The following ATP2A2 variants were observed in gnomAD, a reference collection of about 807,000 sequenced individuals.
ATP2A2 encodes the protein sarcoplasmic/endoplasmic reticulum calcium ATPase 2.
In ATP2A2, 14 loss-of-function variants were observed where a neutral mutation model predicts 109.3. The ratio of observed to expected loss-of-function variants is 0.13; its 90% confidence interval spans 0.08 to 0.20. ATP2A2 has a LOEUF of 0.20. ATP2A2 is among the 10% of genes least tolerant of loss of function. The probability of loss-of-function intolerance (pLI) is 1.00; values close to 1 mark genes in which losing one functional copy is unlikely to be tolerated. For missense variants in ATP2A2, 657 were observed against 1,321.6 expected (o/e 0.50, Z 7.80); for synonymous variants, 506 against 490.9 (o/e 1.03, Z -0.41).
chr12:110,305,398 T>A (rs1875175370), intron 5 of ATP2A2, among the ~76,000 whole-genome samples: 1 of 152,110 alleles, frequency 6.6e-6, no homozygotes, highest in Admixed American at 6.6e-5. Flanking sequence ...AAGCAAGACC[T>A]TGCCTCTTTA....
chr12:110,340,600 A>G lies in ATP2A2; in HGVS notation c.1762-59A>G. The G allele has an allele frequency of 6.3e-7, 1 of 1,579,264 alleles. No homozygotes were observed. Among genetic ancestry groups the G allele is most frequent in the South Asian group, 1.1e-5 (1 of 89,246 alleles). ...TCAATGTTTAACTGGGCATTTTTCA[A>G]ACTAGGGGACAAAAACTAGAACTTG... On this transcript the variant is annotated intron_variant, in intron 13 of 19. Transcript: ENST00000539276. The surrounding 1 kb of genome is among the most constrained non-coding windows in gnomAD (Gnocchi z 6.0).
At position 110,340,866 on chromosome 12, in the gene ATP2A2, T is replaced by C; in HGVS notation, c.1969T>C (p.Phe657Leu). 1 of 1,614,018 alleles carries C rather than the reference T, an allele frequency of 6.2e-7. No individual in the cohort carries two copies. Among genetic ancestry groups the C allele is most frequent in the Non-Finnish European group, 8.5e-7 (1 of 1,180,004 alleles). The change falls in exon 14 of 20, where the codon TTT (phenylalanine) becomes CTT (leucine). Residue 657 changes from phenylalanine (F) to leucine (L), a missense_variant. By Grantham distance (22) the Phe-to-Leu change is conservative (BLOSUM62 0). This residue lies in a region of ATP2A2 where 180 missense variants were observed against 329.1 expected (regional missense o/e 0.55). Transcript: ENST00000539276. This position sits in a 1 kb window ranked among gnomAD's most constrained non-coding sequence, Gnocchi z 6.0. ...GTCAAAAGCTTTCACAGGCCGGGAG[T>C]TTGATGAACTCAACCCCTCCGCCCA... ...VTSKAFTGREFDELNPSAQRD... is the reference protein window; with the variant it reads ...VTSKAFTGRELDELNPSAQRD...
chr12:110,348,436 T>C lies in ATP2A2; in HGVS notation c.*1966T>C. 1.0e-6 allele frequency: 1 copy of C among 985,584 alleles called. No individual in the cohort carries two copies. Among genetic ancestry groups the C allele is most frequent in the Non-Finnish European group, 1.2e-6 (1 of 830,068 alleles). 61.1% of individuals were successfully genotyped at this position (985,584 alleles called of 1,614,324 possible). A position where few individuals can be genotyped will look rare whatever the true frequency, so the allele number is the denominator to read the frequency against. On this transcript the variant is annotated 3_prime_UTR_variant, in exon 20 of 20. Transcript: ENST00000539276. ...CAAAATGTACTTAGGCTCTGGTTAC[T>C]GGGATGGCCAGTAGATGTAATGCAG...
chr12:110,337,388 G>A (rs1173953686), intron 11 of ATP2A2, among the ~76,000 whole-genome samples: 2 of 152,200 alleles, frequency 1.3e-5, no homozygotes, highest in Non-Finnish European at 2.9e-5. Flanking sequence ...ACCTGGGTAG[G>A]TCCACGCCTT....
chr12:110,342,226 A>C lies in ATP2A2; in HGVS notation c.2098-2A>C, dbSNP rs762043667. The C allele has an allele frequency of 6.2e-7, 1 of 1,614,150 alleles. No individual in the cohort carries two copies. Among genetic ancestry groups the C allele is most frequent in the Non-Finnish European group, 8.5e-7 (1 of 1,180,030 alleles). On this transcript the variant is annotated splice_acceptor_variant, in intron 14 of 19. Transcript: ENST00000539276. LOFTEE classifies it high-confidence loss of function. This position sits in a 1 kb window ranked among gnomAD's most constrained non-coding sequence, Gnocchi z 4.6. ...TGACCCAACCATTGCTTTCCCTTTC[A>C]GACTGGCGATGGCGTGAACGATGCT...
upstream of ATP2A2, chr12:110,281,045 G>A (rs1241466619): frequency 2.0e-5 from 3 of 151,494 alleles, no homozygotes; most frequent in Non-Finnish European, 4.4e-5. Context: ...GGCGCGCGCG[G>A]CCTCGATCCG....
intron 9 of ATP2A2, 58 bp downstream of exon 9, chr12:110,332,743 G>A: frequency 3.6e-6 from 5 of 1,401,800 alleles, no homozygotes; most frequent in Non-Finnish European, 5.1e-6. Context: ...TATTTGTATT[G>A]ATTTGCAGCA....
chr12:110,319,061 T>A (rs1876963654), intron 5 of ATP2A2, among the ~76,000 whole-genome samples: 1 of 151,998 alleles, frequency 6.6e-6, no homozygotes, highest in Admixed American at 6.6e-5. Flanking sequence ...ATTTTAAAAT[T>A]AACCTGGTGC....
chr12:110,288,734 G>A (rs1872942003), intron 3 of ATP2A2, among the ~76,000 whole-genome samples: 2 of 152,116 alleles, frequency 1.3e-5, no homozygotes, highest in Non-Finnish European at 1.5e-5. Context: ...TATTCAACCT[G>A]TTGTCAAAAT....
In ATP2A2 at chr12:110,345,315, T is replaced by TC; in HGVS notation, c.2678dup (p.Tyr894IlefsTer17). On this transcript the variant is annotated frameshift_variant, in exon 18 of 20. Coordinates refer to ENST00000539276, the MANE Select transcript of ATP2A2 (RefSeq NM_170665.4). LOFTEE classifies it high-confidence loss of function. ...AGGCGTGGATTGTGCAATCTTTGAA[T>TC]CCCCATACCCGATGACAATGGCGCT... 6.2e-7 allele frequency: 1 copy of TC among 1,614,134 alleles called. No homozygotes were observed. The highest frequency in any genetic ancestry group is 8.5e-7 in the Non-Finnish European group (1 of 1,180,012).
In ATP2A2 at chr12:110,327,628, C is replaced by T. The variant is rs1877940208; in HGVS notation, c.706C>T (p.Arg236Trp). The part of the protein sequence containing the change: ...TGVNTEIGKI[R>W]DEMVATEQER... ...AGTTAACACCGAAATTGGCAAGATC[C>T]GGGATGAAATGGTGGCAACAGAACA... The change falls in exon 8 of 20, where the codon CGG (arginine) becomes TGG (tryptophan). Residue 236 changes from arginine to tryptophan, a missense_variant. Arg to Trp is a moderately radical substitution (Grantham distance 101, BLOSUM62 -3). Around this residue, in one of 9 missense-constraint regions of ATP2A2, gnomAD observed 136 missense variants for 343.9 expected, o/e 0.40. Coordinates refer to ENST00000539276, the MANE Select transcript of ATP2A2 (RefSeq NM_170665.4). The surrounding 1 kb of genome is among the most constrained non-coding windows in gnomAD (Gnocchi z 4.4). The T allele has an allele frequency of 6.2e-7, 1 of 1,614,010 alleles. No individual in the cohort carries two copies. Among genetic ancestry groups the T allele is most frequent in the Non-Finnish European group, 8.5e-7 (1 of 1,179,992 alleles).
chr12:110,319,898 A>G (rs1006943809), intron 5 of ATP2A2, among the ~76,000 whole-genome samples: 2 of 152,250 alleles, frequency 1.3e-5, no homozygotes, highest in Middle Eastern at 3.4e-3. Flanking sequence ...GAGCACCAAC[A>G]TGATGCTCAA....
Position 110,339,496 on chromosome 12 carries a change from T to C in ATP2A2, c.1543-7T>C. On this transcript the variant is annotated splice_region_variant and splice_polypyrimidine_tract_variant and intron_variant, in intron 12 of 19. Coordinates refer to ENST00000539276, the MANE Select transcript of ATP2A2 (RefSeq NM_170665.4). This position sits in a 1 kb window ranked among gnomAD's most constrained non-coding sequence, Gnocchi z 4.4. ...AAATTGTTTATCTAAATCTGTAACATTTCCAGGGTGCTCCTGAAGGTGTCA... is the reference window on the plus strand; with the variant it reads ...AAATTGTTTATCTAAATCTGTAACACTTCCAGGGTGCTCCTGAAGGTGTCA... 1 of 1,614,062 alleles carries C rather than the reference T, an allele frequency of 6.2e-7. No individual in the cohort carries two copies.
intron 3 of ATP2A2, among the ~76,000 whole-genome samples, chr12:110,287,280 A>G (rs1301829362): frequency 6.6e-6 from 1 of 152,098 alleles, no homozygotes; most frequent in African/African-American, 2.4e-5. Flanking sequence ...TTGCTTTAGT[A>G]TACTTATCAG....
At chr12:110,329,074 T>G (rs75665188) in intron 8 of ATP2A2, among the ~76,000 whole-genome samples, 2 of 152,364 alleles carry the variant, frequency 1.3e-5, no homozygotes, top group Non-Finnish European at 2.9e-5. Flanking sequence ...GATACCAAAC[T>G]CTGCAGATGC....
chr12:110,295,077 C>T (rs1873821262), intron 4 of ATP2A2, among the ~76,000 whole-genome samples: 1 of 152,210 alleles, frequency 6.6e-6, no homozygotes, highest in Non-Finnish European at 1.5e-5. Flanking sequence ...CCTCAGCCTC[C>T]CAAAGTGCCG....
Position 110,349,488 on chromosome 12 carries a change from G to C in ATP2A2, c.*3018G>C. On this transcript the variant is annotated 3_prime_UTR_variant, in exon 20 of 20. Coordinates refer to ENST00000539276, the MANE Select transcript of ATP2A2 (RefSeq NM_170665.4). The stretch of plus-strand genomic sequence containing the variant: ...ACCCTAACTGGGACACCACTCTGCA[G>C]AATGCAGATGATCCATTCTGGAGGA... 1.0e-6 allele frequency: 1 copy of C among 985,722 alleles called. No individual in the cohort carries two copies. The highest frequency in any genetic ancestry group is 1.2e-6 in the Non-Finnish European group (1 of 830,132). The allele number at this position is 985,722 out of a possible 1,614,324, so 61.1% of individuals were successfully genotyped here.
intron 3 of ATP2A2, among the ~76,000 whole-genome samples, chr12:110,286,914 C>T (rs757469972): frequency 1.3e-5 from 2 of 152,114 alleles, no homozygotes; most frequent in African/African-American, 2.4e-5. Flanking sequence ...ATGACTGTCT[C>T]CCAGTTTACA....
chr12:110,323,622 C>T (rs1877469664), intron 6 of ATP2A2, among the ~76,000 whole-genome samples: 1 of 152,084 alleles, frequency 6.6e-6, no homozygotes, highest in Admixed American at 6.6e-5. Context: ...CGGGCCTGGG[C>T]AACATGGCAA....
Sources: gnomAD v4.1 joint callset for allele counts (sites outside exome capture counted in the v4.1 genomes callset) on GRCh38, gnomAD v4.1.1 for gene constraint, gnomAD v4.1.1 regional missense constraint, Gnocchi (gnomAD v3.1) non-coding constraint, MANE v1.5 for transcripts, NCBI Gene and HGNC (gene_info 2026-07-23, HGNC 2026-07-21) for gene names.